Variants in NPAS3 observed in about 807,000 individuals in gnomAD.
The protein encoded by NPAS3 is neuronal PAS domain protein 3.
NPAS3 carries 14 observed loss-of-function variants against 73.1 expected under a neutral mutation model. The ratio of observed to expected loss-of-function variants is 0.19; its 90% CI spans 0.13 to 0.30. NPAS3 has a LOEUF of 0.30. NPAS3 is among the 10% of genes least tolerant of loss of function. The pLI is 1.00. For missense variants in NPAS3, 1,096 were observed against 1,250.0 expected (o/e 0.88, Z 1.86); for synonymous variants, 620 against 541.5 (o/e 1.14, Z -2.01).
At chr14:33,174,784 A>T (rs2045523717) in intron 2 of NPAS3, among the ~76,000 whole-genome samples, 2 of 152,206 alleles carry the variant, frequency 1.3e-5, no homozygotes, top group African/African-American at 2.4e-5. Context: ...GATGGAGTGG[A>T]GATGAAGAGG....
chr14:33,670,158 A>C (rs926240013), intron 5 of NPAS3, among the ~76,000 whole-genome samples: 8 of 152,178 alleles, frequency 5.3e-5, no homozygotes, highest in Admixed American at 6.5e-5. Context: ...GGGAGCCAAA[A>C]TGTTTATTTT....
At chr14:33,742,167 G>A (rs937175014) in intron 7 of NPAS3, among the ~76,000 whole-genome samples, 1 of 152,078 alleles carries the variant, frequency 6.6e-6, no homozygotes, top group African/African-American at 2.4e-5. Flanking sequence ...GCAAGCACAG[G>A]TCATTTTTCT....
intron 3 of NPAS3, among the ~76,000 whole-genome samples, chr14:33,246,488 C>T (rs935732572): frequency 2.2e-5 from 3 of 139,506 alleles, no homozygotes; most frequent in African/African-American, 5.4e-5. Context: ...TGCAGTGAGC[C>T]GAGATCGCGC....
intron 4 of NPAS3, among the ~76,000 whole-genome samples, chr14:33,483,894 AAC>A (rs1202207293): frequency 6.6e-6 from 1 of 152,138 alleles, no homozygotes; most frequent in Non-Finnish European, 1.5e-5. Flanking sequence ...TTCCCCCTAA[AAC>A]AGCCTTTTAG....
chr14:33,194,281 T>C (rs772525907), intron 2 of NPAS3, among the ~76,000 whole-genome samples: 4 of 152,214 alleles, frequency 2.6e-5, no homozygotes, highest in African/African-American at 9.7e-5. Flanking sequence ...TCAGGTATAA[T>C]AGCTCTTTGT....
chr14:33,099,478 G>GA (rs879325200), intron 2 of NPAS3, among the ~76,000 whole-genome samples: 9 of 150,454 alleles, frequency 6.0e-5, no homozygotes, highest in Admixed American at 2.6e-4. Context: ...TGTAATGAAG[G>GA]AAAAAAAAAT....
chr14:33,483,555 C>T (rs1365206452), intron 4 of NPAS3, among the ~76,000 whole-genome samples: 4 of 152,148 alleles, frequency 2.6e-5, no homozygotes, highest in African/African-American at 9.7e-5. Context: ...GGTTCATGCA[C>T]AGCACACAAA....
Position 33,800,516 on chromosome 14 carries a change from G to A in NPAS3, c.2209G>A (p.Ala737Thr), listed in dbSNP as rs1324863469. Residue 737 changes from alanine (A) to threonine (T), a missense_variant, in exon 12 of 12, where the codon GCG becomes ACG. Ala to Thr is a moderately conservative substitution (Grantham distance 58). This residue lies in a region of NPAS3 where 698 missense variants were observed against 676.7 expected (regional missense o/e 1.03). Transcript: ENST00000356141. The surrounding 1 kb of genome is among the most constrained non-coding windows in gnomAD (Gnocchi z 6.5). ...GACTCAGTTCGGCGCCTCGGCCACC[G>A]CGGCCCTGGCCCCCGTCGCCTCCGA... The A allele has an allele frequency of 1.4e-6, 2 of 1,410,184 alleles. No homozygotes were observed. Among genetic ancestry groups the A allele is most frequent in the Admixed American group, 3.7e-5 (1 of 27,240 alleles). The allele number at this position is 1,410,184 out of a possible 1,614,324, so 87.4% of individuals were successfully genotyped here. A position where few individuals can be genotyped will look rare whatever the true frequency, so the allele number is the denominator to read the frequency against.
chr14:33,367,115 A>T (rs2045877507), intron 3 of NPAS3, 71 bp from the exon 4 acceptor site: 1 of 708,906 alleles, frequency 1.4e-6, no homozygotes, highest in Admixed American at 2.8e-5. Flanking sequence ...ATTCAAGAGA[A>T]ACTAAGCTGA....
In NPAS3 at chr14:33,565,262, T is replaced by C. The variant is rs866145545; in HGVS notation, c.558+5052T>C. 2.0e-5 allele frequency among the ~76,000 whole-genome samples: 3 copies of C among 152,256 alleles called. No homozygotes were observed. In the South Asian group the frequency reaches 6.2e-4, roughly 31 times the overall value. On this transcript the variant is annotated intron_variant, in intron 5 of 11. Transcript: ENST00000356141. ...TTCATCTCCATATTTTAGATTTCTC[T>C]GCATTTGTTATATAAAATGGCAAAT...
At chr14:32,939,898 C>T (rs916986305) in intron 1 of NPAS3, among the ~76,000 whole-genome samples, 1 of 151,922 alleles carries the variant, frequency 6.6e-6, no homozygotes, top group African/African-American at 2.4e-5. Context: ...GAATGTGTCG[C>T]GGAGGGGCCG....
intron 4 of NPAS3, among the ~76,000 whole-genome samples, chr14:33,429,081 T>C (rs2048675062): frequency 6.6e-6 from 1 of 151,968 alleles, no homozygotes; most frequent in African/African-American, 2.4e-5. Context: ...GATAAGAGAG[T>C]GTTCCTAGTA....
At chr14:33,207,014 C>A (rs970653455) in intron 2 of NPAS3, among the ~76,000 whole-genome samples, 1 of 152,126 alleles carries the variant, frequency 6.6e-6, no homozygotes, top group African/African-American at 2.4e-5. Flanking sequence ...GATGAGAAAG[C>A]CTTTATCCCA....
intron 2 of NPAS3, among the ~76,000 whole-genome samples, chr14:33,065,076 G>A (rs575111286): frequency 1.2e-4 from 19 of 152,244 alleles, no homozygotes; most frequent in Admixed American, 7.2e-4. Flanking sequence ...GTTTTCAAAA[G>A]AATTTGTTTG....
intron 3 of NPAS3, among the ~76,000 whole-genome samples, chr14:33,311,111 G>A (rs1019945459): frequency 4.6e-5 from 7 of 152,110 alleles, no homozygotes; most frequent in African/African-American, 1.7e-4. Flanking sequence ...AATTTACTGA[G>A]CTATATGGAG....
At chr14:33,211,428 C>T (rs531339575) in intron 2 of NPAS3, among the ~76,000 whole-genome samples, 1 of 152,224 alleles carries the variant, frequency 6.6e-6, no homozygotes, top group African/African-American at 2.4e-5. Flanking sequence ...GTGGTGCATG[C>T]CTGTAGTCCC....
At chr14:33,660,295 A>G (rs2059269758) in intron 5 of NPAS3, among the ~76,000 whole-genome samples, 1 of 152,200 alleles carries the variant, frequency 6.6e-6, no homozygotes, top group Non-Finnish European at 1.5e-5. Flanking sequence ...GCCATGTCCA[A>G]GCCATCTCCA....
intron 3 of NPAS3, among the ~76,000 whole-genome samples, chr14:33,262,593 T>C (rs1368936930): frequency 6.6e-6 from 1 of 152,178 alleles, no homozygotes; most frequent in East Asian, 1.9e-4. Flanking sequence ...TTTCCACAAT[T>C]ATTCATGGCA....
At chr14:33,428,911 T>C (rs1021886790) in intron 4 of NPAS3, among the ~76,000 whole-genome samples, 3 of 152,148 alleles carry the variant, frequency 2.0e-5, no homozygotes, top group Non-Finnish European at 4.4e-5. Flanking sequence ...ATTAGATCCA[T>C]AGATCGCCTT....
Sources: gnomAD v4.1 joint callset for allele counts (sites outside exome capture counted in the v4.1 genomes callset) on GRCh38, gnomAD v4.1.1 for gene constraint, gnomAD v4.1.1 regional missense constraint, Gnocchi (gnomAD v3.1) non-coding constraint, MANE v1.5 for transcripts, NCBI Gene and HGNC (gene_info 2026-07-23, HGNC 2026-07-21) for gene names.